Variants in PTPRD observed in about 807,000 individuals in gnomAD.
PTPRD encodes protein tyrosine phosphatase receptor type D, also known as receptor-type tyrosine-protein phosphatase delta.
In PTPRD, 34 loss-of-function variants were observed where a neutral mutation model predicts 214.5. The ratio of observed to expected loss-of-function variants is 0.16; its 90% CI spans 0.12 to 0.21. The LOEUF (loss-of-function observed/expected upper bound fraction) is 0.21, where lower values mean the gene tolerates loss of function less well. Ranked by LOEUF, PTPRD falls within the 10% of genes least tolerant of loss-of-function variation. The pLI, the probability that PTPRD is intolerant of heterozygous loss-of-function variation, is 1.00. For missense variants in PTPRD, 2,545 were observed against 2,398.7 expected (o/e 1.06, Z -1.27); for synonymous variants, 1,128 against 845.7 (o/e 1.33, Z -5.79).
intron 3 of PTPRD, among the ~76,000 whole-genome samples, chr9:10,107,973 G>A (rs556332962): frequency 7.9e-5 from 12 of 152,128 alleles, no homozygotes; most frequent in Middle Eastern, 3.4e-3. Flanking sequence ...TCAGATACGG[G>A]TGATTCTCTG....
At chr9:10,031,647 T>TATATATATATATACACACACAC in intron 4 of PTPRD, among the ~76,000 whole-genome samples, 87 of 89,610 alleles carry the variant, frequency 9.7e-4, no homozygotes, top group South Asian at 7.7e-3. Flanking sequence ...TATATATATA[T>TATATATATATATACACACACAC]ACACACACAC....
At chr9:8,664,158 C>T (rs972613008) in intron 12 of PTPRD, among the ~76,000 whole-genome samples, 1 of 152,194 alleles carries the variant, frequency 6.6e-6, no homozygotes, top group African/African-American at 2.4e-5. Context: ...TCACTAGAAA[C>T]TTGAAGATAT....
At chr9:8,787,823 T>C (rs981187757) in intron 11 of PTPRD, among the ~76,000 whole-genome samples, 1 of 152,258 alleles carries the variant, frequency 6.6e-6, no homozygotes, top group East Asian at 1.9e-4. Flanking sequence ...TCATGCTGCC[T>C]CCACCCCAGT....
intron 39 of PTPRD, among the ~76,000 whole-genome samples, chr9:8,345,687 G>A (rs1484906134): frequency 6.6e-6 from 1 of 152,050 alleles, no homozygotes; most frequent in Non-Finnish European, 1.5e-5. Flanking sequence ...CTGTATCACG[G>A]TTCCATTGAT....
Position 9,612,685 on chromosome 9 carries a change from A to G in PTPRD, c.-286-37904T>C, listed in dbSNP as rs368246424. Among the ~76,000 whole-genome samples the G allele has an allele frequency of 5.3e-5, 8 of 152,246 alleles. No individual in the cohort carries two copies. In the East Asian group the frequency reaches 9.7e-4, roughly 18 times the overall value. On this transcript the variant is annotated intron_variant, in intron 7 of 45. Coordinates refer to ENST00000381196, the MANE Select transcript of PTPRD (RefSeq NM_002839.4). ...TTTTTCACTACAATCTTTGAAAAAA[A>G]AGGAATATAAGAAAAACAAATTTGA...
At chr9:8,799,693 T>G (rs1209127066) in intron 11 of PTPRD, among the ~76,000 whole-genome samples, 1 of 152,198 alleles carries the variant, frequency 6.6e-6, no homozygotes, top group Non-Finnish European at 1.5e-5. Context: ...GTAGCCAGGT[T>G]CAATTAACTT....
chr9:10,079,950 C>A (rs79067560), intron 3 of PTPRD, among the ~76,000 whole-genome samples: 2 of 144,024 alleles, frequency 1.4e-5, no homozygotes, highest in Non-Finnish European at 3.0e-5. Flanking sequence ...TTTTTTTTTC[C>A]AGCTTGGTAT....
Position 8,454,993 on chromosome 9 carries a change from C to A in PTPRD, c.3876-5156G>T, listed in dbSNP as rs544624244. Reference sequence around the variant, plus strand: ...AATGTACTCAATGGGAATACAGCATCATTCCATAAAAGAAATTCGTTCATT... The same window carrying A: ...AATGTACTCAATGGGAATACAGCATAATTCCATAAAAGAAATTCGTTCATT... On this transcript the variant is annotated intron_variant, in intron 33 of 45. Coordinates refer to ENST00000381196, the MANE Select transcript of PTPRD (RefSeq NM_002839.4). Among the ~76,000 whole-genome samples the A allele has an allele frequency of 2.0e-5, 3 of 152,276 alleles. No homozygotes were observed. In the South Asian group the frequency reaches 6.2e-4, roughly 32 times the overall value.
At chr9:9,382,224 G>C (rs544398618) in intron 9 of PTPRD, among the ~76,000 whole-genome samples, 42 of 151,610 alleles carry the variant, frequency 2.8e-4, no homozygotes, top group African/African-American at 9.4e-4. Context: ...TTTATATGTT[G>C]ATTTTATATA....
In PTPRD at chr9:8,941,299, T is replaced by C. The variant is rs1362873678; in HGVS notation, c.-104+77398A>G. On this transcript the variant is annotated intron_variant, in intron 11 of 45. Transcript: ENST00000381196. The stretch of plus-strand genomic sequence containing the variant: ...TAAAAGCTTTACTAAACAAGAGGAG[T>C]GTATTTGCAACTAGTTTCAGGCAGT... Among the ~76,000 whole-genome samples, 4 of 151,988 alleles carry C rather than the reference T, an allele frequency of 2.6e-5. No homozygotes were observed. The South Asian group carries it at 6.2e-4, about 24-fold the overall frequency.
At chr9:8,521,611 A>T in intron 19 of PTPRD, 65 bp from the exon 20 acceptor site, 2 of 1,543,284 alleles carry the variant, frequency 1.3e-6, no homozygotes, top group Non-Finnish European at 1.8e-6. Flanking sequence ...TATTAAACAC[A>T]TGACATGCAC....
At chr9:10,366,082 C>T (rs778088387) in intron 2 of PTPRD, among the ~76,000 whole-genome samples, 1 of 152,136 alleles carries the variant, frequency 6.6e-6, no homozygotes. Context: ...CTAAAAAACA[C>T]TGTCACTGCT....
At chr9:8,361,220 G>C (rs1436313464) in intron 39 of PTPRD, among the ~76,000 whole-genome samples, 1 of 152,072 alleles carries the variant, frequency 6.6e-6, no homozygotes, top group Non-Finnish European at 1.5e-5. Flanking sequence ...ATCTAGCTCT[G>C]CTTTCACAGA....
At chr9:9,157,511 G>A (rs10816052) in intron 10 of PTPRD, among the ~76,000 whole-genome samples, 94,808 of 151,934 alleles carry the variant, frequency 0.62, 30,845 homozygotes, top group Non-Finnish European at 0.74. Flanking sequence ...AAATTGGACA[G>A]TCTAGAAGAA....
chr9:10,322,363 C>G (rs780388469), intron 3 of PTPRD, among the ~76,000 whole-genome samples: 1 of 152,024 alleles, frequency 6.6e-6, no homozygotes, highest in East Asian at 1.9e-4. Flanking sequence ...TAGGAAGACA[C>G]AATTGCAGGC....
intron 8 of PTPRD, among the ~76,000 whole-genome samples, chr9:9,430,661 T>A (rs199572396): frequency 6.6e-6 from 1 of 152,034 alleles, no homozygotes. Flanking sequence ...TATACTACAA[T>A]GCTACAGTAA....
chr9:8,414,874 AGAGGGAGG>A (rs557923527), intron 35 of PTPRD, among the ~76,000 whole-genome samples: 3 of 116,802 alleles, frequency 2.6e-5, no homozygotes, highest in East Asian at 6.0e-4. Flanking sequence ...GGAGCAGGAG[AGAGGGAGG>A]GAGGGAGGGA....
intron 21 of PTPRD, among the ~76,000 whole-genome samples, chr9:8,508,714 A>G (rs1198760454): frequency 6.6e-6 from 1 of 152,228 alleles, no homozygotes; most frequent in African/African-American, 2.4e-5. Context: ...GTAGTTCAAA[A>G]GAAGCCTTTG....
At chr9:9,966,110 G>T (rs2094678512) in intron 4 of PTPRD, among the ~76,000 whole-genome samples, 1 of 151,834 alleles carries the variant, frequency 6.6e-6, no homozygotes, top group Non-Finnish European at 1.5e-5. Flanking sequence ...GACTCTACTG[G>T]CTTTCGGTTT....
Sources: gnomAD v4.1 joint callset for allele counts (sites outside exome capture counted in the v4.1 genomes callset) on GRCh38, gnomAD v4.1.1 for gene constraint, MANE v1.5 for transcripts, NCBI Gene and HGNC (gene_info 2026-07-23, HGNC 2026-07-21) for gene names.